CENPF: variants seen among roughly 807,000 people sequenced by gnomAD.
CENPF encodes AH antigen.
A neutral mutation model predicts 307.3 loss-of-function variants in CENPF; 214 were observed. The ratio of observed to expected loss-of-function variants is 0.70; its 90% CI spans 0.62 to 0.78. CENPF has a LOEUF of 0.78. CENPF is among the 30% of genes least tolerant of loss of function. The probability of loss-of-function intolerance (pLI) is 0.00; values close to 1 mark genes in which losing one functional copy is unlikely to be tolerated. For synonymous variants in CENPF, 1,259 were observed against 1,270.6 expected (o/e 0.99, Z 0.19); for missense variants, 3,401 against 3,483.9 (o/e 0.98, Z 0.60).
intron 10 of CENPF, among the ~76,000 whole-genome samples, chr1:214,637,359 GT>G (rs1037496274): frequency 9.9e-5 from 15 of 152,180 alleles, no homozygotes; most frequent in African/African-American, 3.6e-4. Context: ...AATATTGTTG[GT>G]TTTCTTGATA....
intron 10 of CENPF, among the ~76,000 whole-genome samples, chr1:214,634,424 G>C (rs1657901293): frequency 6.6e-6 from 1 of 152,158 alleles, no homozygotes; most frequent in South Asian, 2.1e-4. Flanking sequence ...GAGTGAGTGA[G>C]ATCTGAGATT....
chr1:214,655,162 C>T (rs1658596352), intron 16 of CENPF, 79 bp from the exon 17 acceptor site: 19 of 872,722 alleles, frequency 2.2e-5, no homozygotes, highest in Non-Finnish European at 3.2e-5. Flanking sequence ...ATATATGAAT[C>T]TTATATCTTA....
At chr1:214,647,519 C>A in intron 13 of CENPF, 119 bp downstream of exon 13, 1 of 1,151,318 alleles carries the variant, frequency 8.7e-7, no homozygotes, top group Non-Finnish European at 1.2e-6. Context: ...TTGGACCAAA[C>A]TTTGTAAAGG....
Position 214,642,159 on chromosome 1 carries a change from C to T in CENPF, c.3821C>T (p.Ser1274Leu), listed in dbSNP as rs746908378. The T allele has an allele frequency of 4.3e-6, 7 of 1,614,024 alleles. No homozygotes were observed. In the South Asian group the frequency reaches 6.6e-5, roughly 15 times the overall value. Residue 1274 changes from serine to leucine, a missense_variant, in exon 12 of 20, where the codon TCA (serine) becomes TTA (leucine). Ser to Leu is a moderately radical substitution (Grantham distance 145, BLOSUM62 -2). Transcript: ENST00000366955. ...CEIDAEEKYI[S>L]GPHELSTSQN... is the part of the protein sequence containing the mutation. Reference sequence around the variant, plus strand: ...ATAGATGCGGAAGAAAAGTATATTTCAGGGCCTCATGAGTTGTCAACAAGT... The same window carrying T: ...ATAGATGCGGAAGAAAAGTATATTTTAGGGCCTCATGAGTTGTCAACAAGT...
intron 19 of CENPF, among the ~76,000 whole-genome samples, chr1:214,662,758 G>A (rs942412442): frequency 2.7e-5 from 4 of 150,884 alleles, no homozygotes; most frequent in African/African-American, 7.3e-5. Flanking sequence ...TTTTTTGACC[G>A]TGTATCTTTT....
At chr1:214,654,712 C>T (rs905817308) in intron 16 of CENPF, among the ~76,000 whole-genome samples, 5 of 151,860 alleles carry the variant, frequency 3.3e-5, no homozygotes, top group South Asian at 4.2e-4. Context: ...CACTGAGAAG[C>T]GTATGAGGAC....
chr1:214,653,414 T>C (rs1164947801), intron 16 of CENPF: 2 of 161,928 alleles, frequency 1.2e-5, no homozygotes, highest in Non-Finnish European at 2.7e-5. Context: ...AGCACCTTGG[T>C]CAGGCAGACG....
rs573526856 is a variant in CENPF at position 214,627,664 on chromosome 1, C to T, written c.1069-1382C>T. ...GTGCTGGGATTACAGGCGTGAGCCA[C>T]TGCACCCGGCCCCTCCAGGTTCTTA... On this transcript the variant is annotated intron_variant, in intron 7 of 19. Transcript: ENST00000366955. Among the ~76,000 whole-genome samples the T allele has an allele frequency of 2.6e-5, 4 of 152,028 alleles. No individual in the cohort carries two copies. In the East Asian group the frequency reaches 7.8e-4, roughly 30 times the overall value.
intron 17 of CENPF, 54 bp from the exon 18 acceptor site, chr1:214,656,879 T>C (rs1329543594): frequency 2.5e-6 from 3 of 1,192,822 alleles, no homozygotes; most frequent in Non-Finnish European, 3.5e-6. Context: ...CGATGCCCAT[T>C]GTTAACTAGA....
intron 1 of CENPF, among the ~76,000 whole-genome samples, chr1:214,605,104 T>C (rs991676105): frequency 6.6e-6 from 1 of 151,168 alleles, no homozygotes; most frequent in African/African-American, 2.5e-5. Flanking sequence ...GAATGATTTT[T>C]CTTTTTGTTT....
chr1:214,610,521 A>G (rs920051831), intron 1 of CENPF, among the ~76,000 whole-genome samples: 2 of 146,748 alleles, frequency 1.4e-5, no homozygotes, highest in Non-Finnish European at 3.0e-5. Context: ...TCCTTTGCCT[A>G]CTTTTTAATG....
chr1:214,657,213 A>G lies in CENPF; in HGVS notation c.8766A>G (p.Ser2922=). Residue 2922 remains serine, a synonymous_variant, in exon 18 of 20, where the codon TCA becomes TCG. Coordinates refer to ENST00000366955, the MANE Select transcript of CENPF (RefSeq NM_016343.4). Reference sequence around the variant, plus strand: ...CTTCTGTTACTGAAAAGAGGTTATCATCTGGCCAAAATAAAGCTTCAGGCA... The same window carrying G: ...CTTCTGTTACTGAAAAGAGGTTATCGTCTGGCCAAAATAAAGCTTCAGGCA... ...PIPSVTEKRL[S]SGQNKASGKR... The G allele has an allele frequency of 4.3e-6, 7 of 1,614,176 alleles. No individual in the cohort carries two copies. The highest frequency in any genetic ancestry group is 5.9e-6 in the Non-Finnish European group (7 of 1,180,036).
At position 214,656,562 on chromosome 1, in the gene CENPF, T is replaced by G. The variant is rs184136442; in HGVS notation, c.8486-371T>G. ...AAGCTTCATAATCTTTGCTGACTTC[T>G]GTTCATCCACTTATGGTAGACAGAA... On this transcript the variant is annotated intron_variant, in intron 17 of 19. Transcript: ENST00000366955. Among the ~76,000 whole-genome samples, 17 of 152,364 alleles carry G rather than the reference T, an allele frequency of 1.1e-4. No homozygotes were observed. In the East Asian group the frequency reaches 3.3e-3, roughly 29 times the overall value.
At chr1:214,611,120 G>C (rs928758778) in intron 1 of CENPF, among the ~76,000 whole-genome samples, 13 of 151,870 alleles carry the variant, frequency 8.6e-5, no homozygotes, top group Non-Finnish European at 1.9e-4. Flanking sequence ...ACATGTTGCT[G>C]TCAGCTTTGT....
intron 8 of CENPF, 48 bp from the exon 9 acceptor site, chr1:214,630,486 C>G: frequency 6.2e-7 from 1 of 1,609,654 alleles, no homozygotes; most frequent in Non-Finnish European, 8.5e-7. Context: ...CCTGGAGTCT[C>G]CCTAGCGAAC....
intron 14 of CENPF, among the ~76,000 whole-genome samples, chr1:214,651,058 A>G (rs550373182): frequency 6.6e-6 from 1 of 152,218 alleles, no homozygotes; most frequent in East Asian, 1.9e-4. Context: ...TGCTGATGCC[A>G]TGAAAAGCTT....
intron 16 of CENPF, chr1:214,653,365 C>CA (rs1658541944): frequency 5.3e-6 from 1 of 189,266 alleles, no homozygotes. Context: ...TCACCATACT[C>CA]ACTTTTCTGT....
At chr1:214,616,711 G>A (rs562681121) in intron 3 of CENPF, among the ~76,000 whole-genome samples, 18 of 152,054 alleles carry the variant, frequency 1.2e-4, no homozygotes, top group Non-Finnish European at 1.8e-4. Context: ...GGTTTGATTT[G>A]CTGAGAAGTC....
chr1:214,605,611 G>T, intron 1 of CENPF: 2 of 1,382,312 alleles, frequency 1.4e-6, no homozygotes, highest in Non-Finnish European at 2.0e-6. Context: ...GCCCCTGGGG[G>T]GCCGGCGCGG....
Sources: gnomAD v4.1 joint callset for allele counts (sites outside exome capture counted in the v4.1 genomes callset) on GRCh38, gnomAD v4.1.1 for gene constraint, MANE v1.5 for transcripts, NCBI Gene and HGNC (gene_info 2026-07-23, HGNC 2026-07-21) for gene names.